The following SLC5A4 variants were observed in gnomAD, a reference collection of about 807,000 sequenced individuals.
The protein encoded by SLC5A4 is probable glucose sensor protein SLC5A4.
In SLC5A4, 55 loss-of-function variants were observed where a neutral mutation model predicts 70.3. The ratio of observed to expected loss-of-function variants is 0.78; its 90% CI spans 0.63 to 0.98. The LOEUF (loss-of-function observed/expected upper bound fraction) is 0.98, where lower values mean the gene tolerates loss of function less well. SLC5A4 is among the 50% of genes least tolerant of loss of function. SLC5A4 has a pLI of 0.00. For synonymous variants in SLC5A4, 268 were observed against 305.7 expected (o/e 0.88, Z 1.29); for missense variants, 735 against 839.2 (o/e 0.88, Z 1.53).
At chr22:32,319,026 A>C in the SLC5A4 span, among the ~76,000 whole-genome samples, 1 of 152,222 alleles carries the variant, frequency 6.6e-6, no homozygotes, top group Admixed American at 6.5e-5. Flanking sequence ...AGGTGGCCTC[A>C]TCCAACCTGC....
At chr22:32,247,317 T>C (rs1926885109) in intron 5 of SLC5A4, 94 bp downstream of exon 5, 2 of 754,182 alleles carry the variant, frequency 2.7e-6, no homozygotes, top group African/African-American at 3.4e-5. Flanking sequence ...TTAAAGGCTG[T>C]TGACAGTCTA....
chr22:32,239,554 A>ATATT (rs1555989379), intron 5 of SLC5A4, among the ~76,000 whole-genome samples: 202 of 16,846 alleles, frequency 0.012, 11 homozygotes, highest in Admixed American at 0.025. Flanking sequence ...ATATATATAT[A>ATATT]TATATATATA....
the SLC5A4 span, among the ~76,000 whole-genome samples, chr22:32,334,099 AT>A: frequency 7.0e-6 from 1 of 142,128 alleles, no homozygotes; most frequent in Non-Finnish European, 1.5e-5. Context: ...ACACACACAC[AT>A]CACATAGACC....
chr22:32,220,783 G>T, intron 14 of SLC5A4, 137 bp downstream of exon 14: 1 of 684,964 alleles, frequency 1.5e-6, no homozygotes, highest in Non-Finnish European at 2.6e-6. Context: ...TTTTGGAAAG[G>T]TAAAAATTTA....
At chr22:32,311,054 C>A in the SLC5A4 span, among the ~76,000 whole-genome samples, 1 of 152,192 alleles carries the variant, frequency 6.6e-6, no homozygotes, top group Non-Finnish European at 1.5e-5. Context: ...CTATCTTTAA[C>A]GCCCATTACT....
At chr22:32,256,265 G>A (rs1048864104), upstream of SLC5A4, among the ~76,000 whole-genome samples, 79 of 152,114 alleles carry the variant, frequency 5.2e-4, no homozygotes, top group African/African-American at 1.8e-3. Context: ...CCATGATCAC[G>A]CCGCTGCACT....
chr22:32,297,612 A>G, the SLC5A4 span, among the ~76,000 whole-genome samples: 1 of 111,390 alleles, frequency 9.0e-6, no homozygotes, highest in Non-Finnish European at 2.0e-5. Context: ...CAACTCCTGG[A>G]TTCGTTAATT....
At chr22:32,241,801 G>A (rs12170744) in intron 5 of SLC5A4, among the ~76,000 whole-genome samples, 3,052 of 145,588 alleles carry the variant, frequency 0.021, 106 homozygotes, top group African/African-American at 0.07. Context: ...GTGTGTGTGT[G>A]TGTATATATA....
chr22:32,274,202 G>T, the SLC5A4 span, among the ~76,000 whole-genome samples: 1 of 151,974 alleles, frequency 6.6e-6, no homozygotes, highest in African/African-American at 2.4e-5. Flanking sequence ...AACAAGCCTG[G>T]CTAATTTTTT....
At chr22:32,334,412 C>CA in the SLC5A4 span, among the ~76,000 whole-genome samples, 14 of 152,188 alleles carry the variant, frequency 9.2e-5, no homozygotes, top group Admixed American at 7.9e-4. Flanking sequence ...GCCCCTCCAA[C>CA]ATCCAATTCC....
In SLC5A4 at chr22:32,225,687, G is replaced by T; in HGVS notation, c.1417C>A (p.Leu473Ile). Residue 473 changes from leucine (L) to isoleucine (I), a missense_variant, in exon 12 of 15, where the codon CTT becomes ATT. Physicochemically the swap from Leu to Ile is conservative, Grantham distance 5 (BLOSUM62 2). Transcript: ENST00000266086. ...LGPPIAAVFVLAIFCKRVNEQ... is the reference protein window; with the variant it reads ...LGPPIAAVFVIAIFCKRVNEQ... Reference sequence around the variant, plus strand: ...TTGACTCTTTTACAGAAGATGGCAAGCACAAAGACAGCTGCAATTGGAGGC... The same window carrying T: ...TTGACTCTTTTACAGAAGATGGCAATCACAAAGACAGCTGCAATTGGAGGC... The T allele has an allele frequency of 6.2e-7, 1 of 1,612,922 alleles. No individual in the cohort carries two copies. Among genetic ancestry groups the T allele is most frequent in the Non-Finnish European group, 8.5e-7 (1 of 1,179,388 alleles).
chr22:32,344,637 A>G, the SLC5A4 span, among the ~76,000 whole-genome samples: 1 of 152,208 alleles, frequency 6.6e-6, no homozygotes, highest in Admixed American at 6.5e-5. Context: ...TTTAATATTC[A>G]AGAAAAATTA....
At chr22:32,234,726 A>G (rs924649197) in intron 8 of SLC5A4, 147 bp downstream of exon 8, 1 of 692,750 alleles carries the variant, frequency 1.4e-6, no homozygotes, top group Non-Finnish European at 2.5e-6. Context: ...AAACAAAAAC[A>G]GAGAAGGGTT....
chr22:32,317,371 T>A, the SLC5A4 span, among the ~76,000 whole-genome samples: 1 of 152,032 alleles, frequency 6.6e-6, no homozygotes, highest in Non-Finnish European at 1.5e-5. Flanking sequence ...AAGAAAGACA[T>A]ACAATAGCAA....
At position 32,254,207 on chromosome 22, in the gene SLC5A4, G is replaced by A. The variant is rs772029451; in HGVS notation, c.142C>T (p.Leu48=). The part of the protein sequence containing the change: ...VVMAVGLWAM[L]KTNRGTIGGF... ...CCTATAGTACCTCGGTTGGTCTTCA[G>A]CATCGCCTGAGCAGAAGGGAAGACA... The change falls in exon 2 of 15, where the codon CTG becomes TTG. Residue 48 remains leucine, a synonymous_variant. Transcript: ENST00000266086. The A allele has an allele frequency of 3.1e-6, 5 of 1,613,304 alleles. No individual in the cohort carries two copies. In the South Asian group the frequency reaches 4.4e-5, roughly 14 times the overall value.
the SLC5A4 span, among the ~76,000 whole-genome samples, chr22:32,352,713 A>C: frequency 1.6e-4 from 25 of 152,158 alleles, no homozygotes; most frequent in African/African-American, 6.0e-4. Context: ...TGCTGCCACA[A>C]CTAGCACCGA....
At chr22:32,246,914 G>C (rs1926863361) in intron 5 of SLC5A4, among the ~76,000 whole-genome samples, 1 of 152,112 alleles carries the variant, frequency 6.6e-6, no homozygotes, top group Non-Finnish European at 1.5e-5. Context: ...TTACCATGGT[G>C]GTCTTAGATA....
chr22:32,248,977 A>T (rs760866560), intron 3 of SLC5A4, among the ~76,000 whole-genome samples, 175 bp from the exon 4 acceptor site: 20 of 152,122 alleles, frequency 1.3e-4, no homozygotes, highest in Non-Finnish European at 1.6e-4. Flanking sequence ...TGTTTCTATG[A>T]CTCAGGGGCC....
chr22:32,227,396 C>T (rs1008441136), intron 11 of SLC5A4, among the ~76,000 whole-genome samples: 1 of 152,188 alleles, frequency 6.6e-6, no homozygotes, highest in African/African-American at 2.4e-5. Context: ...TGTCCAGAGT[C>T]AAGCTCTGGG....
Sources: allele counts gnomAD v4.1 joint callset (sites outside exome capture counted in the v4.1 genomes callset), GRCh38; gene constraint gnomAD v4.1.1; transcripts MANE v1.5; gene names NCBI Gene and HGNC (gene_info 2026-07-23, HGNC 2026-07-21).